Variants in HIVEP1 observed in about 807,000 individuals in gnomAD.
HIVEP1 encodes the protein HIVEP zinc finger 1.
A neutral mutation model predicts 180.0 loss-of-function variants in HIVEP1; 36 were observed. The ratio of observed to expected loss-of-function variants is 0.20; its 90% CI spans 0.15 to 0.26. The LOEUF is 0.26. HIVEP1 is among the 10% of genes least tolerant of loss of function. The pLI is 1.00. For missense variants in HIVEP1, 3,143 were observed against 3,268.7 expected (o/e 0.96, Z 0.94); for synonymous variants, 1,239 against 1,239.0 (o/e 1.00, Z 0.00).
At chr6:12,038,349 A>ACC (rs1769430521) in intron 2 of HIVEP1, 1 of 152,176 alleles carries the variant, frequency 6.6e-6, no homozygotes, top group African/African-American at 2.4e-5. Context: ...GCTAAACTGC[A>ACC]GAGGCATACA....
At chr6:12,035,545 A>G (rs1367308975) in intron 2 of HIVEP1, among the ~76,000 whole-genome samples, 4 of 152,348 alleles carry the variant, frequency 2.6e-5, no homozygotes, top group South Asian at 4.1e-4. Context: ...CTGTGTGTGT[A>G]TATCAGCAAA....
intron 2 of HIVEP1, among the ~76,000 whole-genome samples, chr6:12,018,249 G>A (rs891772208): frequency 1.4e-4 from 22 of 152,194 alleles, no homozygotes; most frequent in African/African-American, 4.3e-4. Context: ...CGCGGCCCCC[G>A]TTCCTGCCCG....
At chr6:12,011,383 G>T (rs893917420), upstream of HIVEP1, among the ~76,000 whole-genome samples, 1 of 148,430 alleles carries the variant, frequency 6.7e-6, no homozygotes, top group African/African-American at 2.5e-5. Context: ...GTAAAGAGAC[G>T]GTAAAGAGAA....
intron 2 of HIVEP1, among the ~76,000 whole-genome samples, chr6:12,041,000 G>A (rs76215146): frequency 0.029 from 4,407 of 152,260 alleles, 209 homozygotes; most frequent in African/African-American, 0.1. Flanking sequence ...CCAGCATTGG[G>A]CATTACAATA....
chr6:12,023,206 T>G (rs1333140249), intron 2 of HIVEP1, among the ~76,000 whole-genome samples: 3 of 152,236 alleles, frequency 2.0e-5, no homozygotes, highest in Non-Finnish European at 4.4e-5. Flanking sequence ...GATGAATGTT[T>G]TCATTTGCTA....
the HIVEP1 span, among the ~76,000 whole-genome samples, chr6:12,202,680 G>T: frequency 6.6e-6 from 1 of 152,202 alleles, no homozygotes; most frequent in African/African-American, 2.4e-5. Context: ...CATATCCCAA[G>T]AATGCAAATT....
At chr6:12,109,172 G>T (rs9369092) in intron 3 of HIVEP1, among the ~76,000 whole-genome samples, 1 of 151,510 alleles carries the variant, frequency 6.6e-6, no homozygotes, top group Admixed American at 6.6e-5. Context: ...TAAATTTTTT[G>T]TTAGTAGAGA....
At chr6:12,208,359 G>A in the HIVEP1 span, among the ~76,000 whole-genome samples, 2 of 152,152 alleles carry the variant, frequency 1.3e-5, no homozygotes, top group Non-Finnish European at 2.9e-5. Flanking sequence ...CAGCAGTCAG[G>A]AAGTATATGC....
chr6:12,037,031 A>G (rs1769319709), intron 2 of HIVEP1, among the ~76,000 whole-genome samples: 1 of 152,172 alleles, frequency 6.6e-6, no homozygotes, highest in Non-Finnish European at 1.5e-5. Context: ...AATGGAGGCA[A>G]CCATGGAAAT....
intron 3 of HIVEP1, among the ~76,000 whole-genome samples, chr6:12,094,115 C>T (rs566731631): frequency 4.1e-4 from 62 of 151,908 alleles, no homozygotes; most frequent in Admixed American, 1.9e-3. Flanking sequence ...TTGGTGTTTT[C>T]CTCATTTTAA....
the HIVEP1 span, among the ~76,000 whole-genome samples, chr6:12,200,992 T>C: frequency 6.6e-6 from 1 of 152,224 alleles, no homozygotes; most frequent in Non-Finnish European, 1.5e-5. Context: ...AGATGAATAC[T>C]GAACCATTGA....
Position 12,052,694 on chromosome 6 carries a change from A to G in HIVEP1, c.41-36490A>G, listed in dbSNP as rs531090626. On this transcript the variant is annotated intron_variant, in intron 2 of 8. Coordinates refer to ENST00000379388, the MANE Select transcript of HIVEP1 (RefSeq NM_002114.4). ...TATCATGTACCTAGTAAATGGCCAAACTAGGAATTGAGCCTCAGTTTTGTC... is the reference window on the plus strand; with the variant it reads ...TATCATGTACCTAGTAAATGGCCAAGCTAGGAATTGAGCCTCAGTTTTGTC... Among the ~76,000 whole-genome samples the G allele has an allele frequency of 8.5e-5, 13 of 152,302 alleles. No homozygotes were observed. In the East Asian group the frequency reaches 2.1e-3, roughly 25 times the overall value.
intron 6 of HIVEP1, among the ~76,000 whole-genome samples, chr6:12,131,490 T>C (rs1758414097): frequency 6.6e-6 from 1 of 151,808 alleles, no homozygotes; most frequent in Admixed American, 6.6e-5. Context: ...TTTCTATTAA[T>C]GTTTATAAAG....
intron 2 of HIVEP1, among the ~76,000 whole-genome samples, chr6:12,023,338 G>T (rs1392860439): frequency 6.6e-6 from 1 of 152,156 alleles, no homozygotes; most frequent in African/African-American, 2.4e-5. Context: ...GTTTAATTTT[G>T]ATGATTTTCA....
chr6:12,059,617 G>C (rs1008746493), intron 2 of HIVEP1, among the ~76,000 whole-genome samples: 1 of 151,980 alleles, frequency 6.6e-6, no homozygotes, highest in Admixed American at 6.5e-5. Flanking sequence ...GGTTCTCCTC[G>C]CCTACTGTGC....
At chr6:12,092,645 C>T (rs1185424624) in intron 3 of HIVEP1, among the ~76,000 whole-genome samples, 1 of 151,996 alleles carries the variant, frequency 6.6e-6, no homozygotes, top group Non-Finnish European at 1.5e-5. Context: ...TATCAGTGTC[C>T]AAGAATTCAT....
chr6:12,163,261 A>T lies in HIVEP1; in HGVS notation c.6979-22A>T, dbSNP rs1024434256. 3 of 1,568,260 alleles carry T rather than the reference A, an allele frequency of 1.9e-6. No individual in the cohort carries two copies. The African/African-American group carries it at 4.1e-5, about 21-fold the overall frequency. On this transcript the variant is annotated intron_variant, in intron 8 of 8. Transcript: ENST00000379388. Reference sequence around the variant, plus strand: ...ATTACAAAAGACCTGTCATAAAAGGATTGCTCTCTCTTGTCATTTAGAGCC... The same window carrying T: ...ATTACAAAAGACCTGTCATAAAAGGTTTGCTCTCTCTTGTCATTTAGAGCC...
intron 3 of HIVEP1, among the ~76,000 whole-genome samples, chr6:12,094,692 A>G (rs1486204884): frequency 1.3e-5 from 2 of 151,932 alleles, no homozygotes; most frequent in Non-Finnish European, 2.9e-5. Flanking sequence ...ATTTGTTAAT[A>G]TTTTATTGAA....
chr6:12,205,410 G>A, the HIVEP1 span, among the ~76,000 whole-genome samples: 8 of 151,958 alleles, frequency 5.3e-5, no homozygotes, highest in Non-Finnish European at 1.0e-4. Flanking sequence ...GGCAGAGCTT[G>A]CAGTGAGCCG....
Sources: gnomAD v4.1 joint callset for allele counts (sites outside exome capture counted in the v4.1 genomes callset) on GRCh38, gnomAD v4.1.1 for gene constraint, MANE v1.5 for transcripts, NCBI Gene and HGNC (gene_info 2026-07-23, HGNC 2026-07-21) for gene names.